The following PCCA variants were observed in gnomAD, a reference collection of about 807,000 sequenced individuals.
PCCA encodes the protein propionyl-CoA carboxylase alpha chain, mitochondrial.
PCCA carries 74 observed loss-of-function variants against 101.3 expected under a neutral mutation model. That is an observed-to-expected ratio of 0.73 (90% CI 0.61 to 0.89). PCCA has a LOEUF of 0.89. Among genes scored for constraint, PCCA ranks in the 40% least tolerant of loss-of-function variants. PCCA has a pLI of 0.00. For synonymous variants in PCCA, 294 were observed against 313.6 expected (o/e 0.94, Z 0.66); for missense variants, 891 against 907.0 (o/e 0.98, Z 0.23).
intron 10 of PCCA, among the ~76,000 whole-genome samples, chr13:100,263,947 GGTATCTGTATGTCATAT>G (rs1336632562): frequency 6.8e-6 from 1 of 146,516 alleles, no homozygotes; most frequent in Non-Finnish European, 1.5e-5. Context: ...TCATATATAC[GGTATCTGTATGTCATAT>G]ATACGGTATC....
intron 10 of PCCA, among the ~76,000 whole-genome samples, chr13:100,264,902 A>G (rs2062828586): frequency 6.6e-6 from 1 of 152,154 alleles, no homozygotes; most frequent in African/African-American, 2.4e-5. Flanking sequence ...TTACGATGGT[A>G]TGTCTGTTTA....
chr13:100,191,601 A>G (rs1388745132), intron 6 of PCCA, among the ~76,000 whole-genome samples: 1 of 152,078 alleles, frequency 6.6e-6, no homozygotes, highest in Non-Finnish European at 1.5e-5. Flanking sequence ...TAACCTTTAT[A>G]CTCCACTGCT....
At chr13:100,284,203 A>C (rs1361271614) in intron 12 of PCCA, among the ~76,000 whole-genome samples, 1 of 138,222 alleles carries the variant, frequency 7.2e-6, no homozygotes. Context: ...TTGTAATTGG[A>C]AGACTTTGCT....
intron 6 of PCCA, among the ~76,000 whole-genome samples, chr13:100,164,935 CAT>C (rs1346382142): frequency 6.6e-6 from 1 of 152,138 alleles, no homozygotes; most frequent in Admixed American, 6.5e-5. Context: ...TAAGTGGAAT[CAT>C]ATAAGATTTG....
chr13:100,172,200 CAAA>C (rs778270607), intron 6 of PCCA, among the ~76,000 whole-genome samples: 312 of 104,318 alleles, frequency 3.0e-3, no homozygotes, highest in Non-Finnish European at 3.4e-3. Flanking sequence ...AACCCTGTCT[CAAA>C]AAAAAAAAAA....
intron 6 of PCCA, among the ~76,000 whole-genome samples, chr13:100,161,787 A>G (rs1594457329): frequency 1.3e-5 from 2 of 152,274 alleles, no homozygotes; most frequent in Middle Eastern, 3.4e-3. Flanking sequence ...TTATTTTTAT[A>G]TATCGCAGCT....
intron 4 of PCCA, among the ~76,000 whole-genome samples, chr13:100,123,810 T>A (rs1283358602): frequency 2.0e-5 from 3 of 152,130 alleles, no homozygotes; most frequent in Admixed American, 2.0e-4. Context: ...GTGGGAGGAT[T>A]TTTGAGTTGT....
At chr13:100,383,105 C>G (rs2076317713) in intron 19 of PCCA, among the ~76,000 whole-genome samples, 1 of 151,858 alleles carries the variant, frequency 6.6e-6, no homozygotes, top group African/African-American at 2.4e-5. Context: ...GGGAGAGCAC[C>G]TCAGTCCCCC....
intron 7 of PCCA, among the ~76,000 whole-genome samples, chr13:100,224,937 C>A (rs2060064177): frequency 6.6e-6 from 1 of 152,168 alleles, no homozygotes; most frequent in Admixed American, 6.5e-5. Context: ...AAATTAGGAT[C>A]CAGATATGTA....
chr13:100,333,729 A>G (rs772165619), intron 17 of PCCA, among the ~76,000 whole-genome samples: 15 of 152,230 alleles, frequency 9.9e-5, no homozygotes, highest in Non-Finnish European at 4.4e-5. Context: ...AGCCCCATCG[A>G]AAGAAATTGT....
intron 4 of PCCA, among the ~76,000 whole-genome samples, chr13:100,127,614 C>T (rs928567801): frequency 4.6e-5 from 7 of 152,062 alleles, no homozygotes; most frequent in Non-Finnish European, 7.4e-5. Context: ...ATTTGAGGGC[C>T]GGGCGTGGTG....
intron 21 of PCCA, among the ~76,000 whole-genome samples, chr13:100,495,136 C>G (rs115644580): frequency 7.3e-4 from 111 of 151,868 alleles, no homozygotes; most frequent in African/African-American, 2.6e-3. Context: ...TGTGGAAGCC[C>G]GAGACCCCGC....
At position 100,112,204 on chromosome 13, in the gene PCCA, A is replaced by G. The variant is rs918757827; in HGVS notation, c.300+143A>G. ...TTACTTGTTCACTGTTGTGTTAAGCAAAACGACAGTATCACAGTATCTTCT... is the reference window on the plus strand; with the variant it reads ...TTACTTGTTCACTGTTGTGTTAAGCGAAACGACAGTATCACAGTATCTTCT... On this transcript the variant is annotated intron_variant, in intron 4 of 23. Transcript: ENST00000376285. 1.8e-5 allele frequency: 12 copies of G among 659,750 alleles called. No homozygotes were observed. The African/African-American group carries it at 2.2e-4, about 12-fold the overall frequency. The allele number at this position is 659,750 out of a possible 1,614,324, so 40.9% of individuals were successfully genotyped here. A position where few individuals can be genotyped will look rare whatever the true frequency, so the allele number is the denominator to read the frequency against.
At chr13:100,366,367 G>A (rs7998254) in intron 18 of PCCA, among the ~76,000 whole-genome samples, 4,587 of 152,162 alleles carry the variant, frequency 0.03, 230 homozygotes, top group African/African-American at 0.11. Context: ...CCTTCTACAC[G>A]TGCTTGGTGC....
At chr13:100,230,786 C>T (rs1371117851) in intron 7 of PCCA, among the ~76,000 whole-genome samples, 1 of 152,168 alleles carries the variant, frequency 6.6e-6, no homozygotes, top group African/African-American at 2.4e-5. Flanking sequence ...CTAACTTGAA[C>T]CAGCTGGACA....
intron 4 of PCCA, among the ~76,000 whole-genome samples, chr13:100,153,348 G>A (rs1220324025): frequency 6.6e-6 from 1 of 152,194 alleles, no homozygotes; most frequent in East Asian, 1.9e-4. Context: ...TACTCTCAGA[G>A]TTTAGATTAG....
intron 15 of PCCA, among the ~76,000 whole-genome samples, chr13:100,308,779 A>G (rs1391167726): frequency 6.6e-6 from 1 of 152,216 alleles, no homozygotes; most frequent in Admixed American, 6.5e-5. Context: ...AAAATGGCCT[A>G]CAAATTAATT....
chr13:100,330,873 G>C (rs1022276801), intron 17 of PCCA, among the ~76,000 whole-genome samples: 4 of 152,174 alleles, frequency 2.6e-5, no homozygotes, highest in African/African-American at 9.7e-5. Context: ...GTCTTGTGGA[G>C]TGCAGAATTC....
intron 12 of PCCA, among the ~76,000 whole-genome samples, chr13:100,298,632 C>T (rs1349694133): frequency 0.16 from 102 of 648 alleles, 18 homozygotes; most frequent in African/African-American, 0.2. Context: ...CCTCCCTCCC[C>T]TCCCTCCCTC....
Sources: gnomAD v4.1 joint callset for allele counts (sites outside exome capture counted in the v4.1 genomes callset) on GRCh38, gnomAD v4.1.1 for gene constraint, MANE v1.5 for transcripts, NCBI Gene and HGNC (gene_info 2026-07-23, HGNC 2026-07-21) for gene names.